The following OPRD1 variants were observed in gnomAD, a reference collection of about 807,000 sequenced individuals.
The protein encoded by OPRD1 is opioid receptor delta 1, also known as delta-type opioid receptor.
In OPRD1, 19 loss-of-function variants were observed where a neutral mutation model predicts 17.5. The observed-to-expected ratio is 1.09, with a 90% CI of 0.76 to 1.60. The LOEUF (loss-of-function observed/expected upper bound fraction) is 1.60, where lower values mean the gene tolerates loss of function less well. Ranked by LOEUF, OPRD1 falls within the 40% of genes most tolerant of loss-of-function variation. OPRD1 has a pLI of 0.00. For synonymous variants in OPRD1, 256 were observed against 240.9 expected (o/e 1.06, Z -0.58); for missense variants, 483 against 547.2 (o/e 0.88, Z 1.17).
At chr1:28,849,524 A>G (rs958793329) in intron 1 of OPRD1, among the ~76,000 whole-genome samples, 1 of 152,190 alleles carries the variant, frequency 6.6e-6, no homozygotes, top group Admixed American at 6.5e-5. Flanking sequence ...ACACACACGC[A>G]CACACAGGGG....
chr1:28,823,277 C>G (rs1418666786), intron 1 of OPRD1, among the ~76,000 whole-genome samples: 1 of 147,282 alleles, frequency 6.8e-6, no homozygotes, highest in East Asian at 2.0e-4. Context: ...GCTCACTGCA[C>G]CTTCCACCTC....
chr1:28,812,425 G>A lies in OPRD1; in HGVS notation c.42G>A (p.Pro14=), dbSNP rs749099629. The A allele has an allele frequency of 4.0e-6, 6 of 1,487,084 alleles. No individual in the cohort carries two copies. Among genetic ancestry groups the A allele is most frequent in the Non-Finnish European group, 4.4e-6 (5 of 1,125,368 alleles). The allele number at this position is 1,487,084 out of a possible 1,614,324, so 92.1% of individuals were successfully genotyped here. ...APSAGAELQP[P]LFANASDAYP... ...CCGCCGGCGCCGAGCTGCAGCCCCC[G>A]CTCTTCGCCAACGCCTCGGACGCCT... Residue 14 remains proline, a synonymous_variant, in exon 1 of 3, where the codon CCG becomes CCA. Transcript: ENST00000234961.
intron 1 of OPRD1, among the ~76,000 whole-genome samples, chr1:28,841,692 TTTTTA>T (rs1156314088): frequency 1.3e-5 from 2 of 151,766 alleles, no homozygotes; most frequent in African/African-American, 2.4e-5. Flanking sequence ...TATTTATTTA[TTTTTA>T]TTTTATTTAT....
intron 1 of OPRD1, among the ~76,000 whole-genome samples, chr1:28,823,012 A>C (rs2088729003): frequency 6.6e-6 from 1 of 151,936 alleles, no homozygotes; most frequent in Admixed American, 6.6e-5. Context: ...TAAATGAACA[A>C]TTTACCATCC....
rs1254874637 is a variant in OPRD1, at chr1:28,865,777, C to T, written c.*2494C>T. 1 of 152,128 alleles carries T rather than the reference C, an allele frequency of 6.6e-6. No individual in the cohort carries two copies. The highest frequency in any genetic ancestry group is 6.5e-5 in the Admixed American group (1 of 15,268). 9.4% of individuals were successfully genotyped at this position (152,128 alleles called of 1,614,324 possible). A position where few individuals can be genotyped will look rare whatever the true frequency, so the allele number is the denominator to read the frequency against. ...CATGGCAGGAGACACTTCTCCTCAT[C>T]AGGGGTCCTCCTGTGAATGCTTTGG... On this transcript the variant is annotated 3_prime_UTR_variant, in exon 3 of 3. Transcript: ENST00000234961.
At position 28,844,664 on chromosome 1, in the gene OPRD1, C is replaced by T. The variant is rs185295863; in HGVS notation, c.228-14290C>T. Reference sequence around the variant, plus strand: ...ATTCTTTATATAGTCTGGATATTAACCCCTTATCAGATATGTGATTTGCAA... The same window carrying T: ...ATTCTTTATATAGTCTGGATATTAATCCCTTATCAGATATGTGATTTGCAA... On this transcript the variant is annotated intron_variant, in intron 1 of 2. Transcript: ENST00000234961. Among the ~76,000 whole-genome samples, 366 of 152,250 alleles carry T rather than the reference C, an allele frequency of 2.4e-3. 1 individual carries two copies. Among genetic ancestry groups the T allele is most frequent in the African/African-American group, 8.1e-3 (337 of 41,556 alleles).
intron 1 of OPRD1, among the ~76,000 whole-genome samples, chr1:28,858,584 C>T (rs1465253118): frequency 5.6e-4 from 78 of 139,416 alleles, no homozygotes; most frequent in Non-Finnish European, 1.0e-3. Flanking sequence ...TCGCTTTTAT[C>T]GCTCAGGCTG....
chr1:28,850,509 G>C (rs529464856), intron 1 of OPRD1, among the ~76,000 whole-genome samples: 4 of 152,002 alleles, frequency 2.6e-5, no homozygotes, highest in African/African-American at 9.6e-5. Flanking sequence ...TTTTAGTAGA[G>C]ATGAGGTTTC....
intron 1 of OPRD1, among the ~76,000 whole-genome samples, chr1:28,830,475 G>T (rs1396412758): frequency 6.6e-6 from 1 of 152,150 alleles, no homozygotes; most frequent in Non-Finnish European, 1.5e-5. Context: ...AGTGGGCTGT[G>T]ATAGTGCCAC....
rs1403634099 is a variant in OPRD1, at chr1:28,828,716, G to T, written c.227+16106G>T. Among the ~76,000 whole-genome samples the T allele has an allele frequency of 2.0e-5, 3 of 146,658 alleles. No homozygotes were observed. The East Asian group carries it at 6.1e-4, about 30-fold the overall frequency. On this transcript the variant is annotated intron_variant, in intron 1 of 2. Transcript: ENST00000234961. Reference sequence around the variant, plus strand: ...AAAAAAAAAAAAAAAAAAGCCAGGCGCAGTGGTTCACGCCTGTAATCCCAG... The same window carrying T: ...AAAAAAAAAAAAAAAAAAGCCAGGCTCAGTGGTTCACGCCTGTAATCCCAG...
In OPRD1 at chr1:28,862,984, T is replaced by C; in HGVS notation, c.820T>C (p.Trp274Arg). 6.2e-7 allele frequency: 1 copy of C among 1,610,850 alleles called. No individual in the cohort carries two copies. Among genetic ancestry groups the C allele is most frequent in the South Asian group, 1.1e-5 (1 of 90,746 alleles). ...LVVVGAFVVC[W>R]APIHIFVIVW... The stretch of plus-strand genomic sequence containing the variant: ...GGTTGTGGGCGCCTTCGTGGTGTGT[T>C]GGGCGCCCATCCACATCTTCGTCAT... Residue 274 changes from tryptophan to arginine, a missense_variant, in exon 3 of 3, where the codon TGG becomes CGG. Coordinates refer to ENST00000234961, the MANE Select transcript of OPRD1 (RefSeq NM_000911.4).
chr1:28,860,845 C>T (rs950354359), intron 2 of OPRD1, among the ~76,000 whole-genome samples: 2 of 152,074 alleles, frequency 1.3e-5, no homozygotes, highest in African/African-American at 2.4e-5. Flanking sequence ...TACCTTTGAC[C>T]CTCACAAGGG....
chr1:28,833,697 G>A (rs780378086), intron 1 of OPRD1, among the ~76,000 whole-genome samples: 5 of 152,218 alleles, frequency 3.3e-5, no homozygotes, highest in South Asian at 4.1e-4. Context: ...TAACCATCAC[G>A]GGGCCAGACA....
At chr1:28,817,011 C>A (rs887574345) in intron 1 of OPRD1, among the ~76,000 whole-genome samples, 33 of 152,166 alleles carry the variant, frequency 2.2e-4, no homozygotes, top group African/African-American at 8.0e-4. Flanking sequence ...TGTTTCCCTG[C>A]CTCCTCTGCG....
intron 1 of OPRD1, among the ~76,000 whole-genome samples, chr1:28,821,171 C>A (rs775143625): frequency 6.6e-6 from 1 of 151,988 alleles, no homozygotes; most frequent in Non-Finnish European, 1.5e-5. Context: ...GGCACAATCT[C>A]GGCTCACTGC....
intron 1 of OPRD1, among the ~76,000 whole-genome samples, chr1:28,855,768 G>C (rs141619414): frequency 3.9e-5 from 6 of 152,366 alleles, no homozygotes; most frequent in African/African-American, 1.2e-4. Context: ...GAAATTAGAC[G>C]AGTCAGCTGT....
At chr1:28,833,812 T>C (rs1023100441) in intron 1 of OPRD1, among the ~76,000 whole-genome samples, 7 of 152,214 alleles carry the variant, frequency 4.6e-5, no homozygotes, top group Non-Finnish European at 7.3e-5. Context: ...AATGCCGTGG[T>C]AGTGCTTACT....
intron 1 of OPRD1, among the ~76,000 whole-genome samples, chr1:28,853,940 C>T (rs2089032352): frequency 6.6e-6 from 1 of 151,820 alleles, no homozygotes. Flanking sequence ...AGGGTTTTTC[C>T]ATGTTGTCCA....
rs1472305982 is a variant in OPRD1, at chr1:28,867,814, T to A, written c.*4531T>A. 6.6e-6 allele frequency: 1 copy of A among 152,326 alleles called. No individual in the cohort carries two copies. Among genetic ancestry groups the A allele is most frequent in the African/African-American group, 2.4e-5 (1 of 41,448 alleles). 9.4% of individuals were successfully genotyped at this position (152,326 alleles called of 1,614,324 possible). A position where few individuals can be genotyped will look rare whatever the true frequency, so the allele number is the denominator to read the frequency against. Reference sequence around the variant, plus strand: ...GCCCAGAACGTAAGTAAACTCTAAGTACATGGTAAGTGGCAGTCACTGCTT... The same window carrying A: ...GCCCAGAACGTAAGTAAACTCTAAGAACATGGTAAGTGGCAGTCACTGCTT... On this transcript the variant is annotated 3_prime_UTR_variant, in exon 3 of 3. Coordinates refer to ENST00000234961, the MANE Select transcript of OPRD1 (RefSeq NM_000911.4).
Sources: gnomAD v4.1 joint callset for allele counts (sites outside exome capture counted in the v4.1 genomes callset) on GRCh38, gnomAD v4.1.1 for gene constraint, MANE v1.5 for transcripts, NCBI Gene and HGNC (gene_info 2026-07-23, HGNC 2026-07-21) for gene names.